Variants in LAMA1 observed in about 807,000 individuals in gnomAD.
LAMA1 encodes laminin subunit alpha-1.
A neutral mutation model predicts 348.7 loss-of-function variants in LAMA1; 219 were observed. That is an observed-to-expected ratio of 0.63 (90% CI 0.56 to 0.70). The LOEUF is 0.70. LAMA1 is among the 30% of genes least tolerant of loss of function. The pLI is 0.00. For synonymous variants in LAMA1, 1,487 were observed against 1,491.0 expected, an observed-to-expected ratio of 1.00 and a Z score of 0.06; for missense variants, 3,744 against 3,888.0, an observed-to-expected ratio of 0.96 and a Z score of 0.99.
intron 55 of LAMA1, among the ~76,000 whole-genome samples, chr18:6,958,117 T>G (rs1360133501): frequency 6.6e-6 from 1 of 152,140 alleles, no homozygotes; most frequent in East Asian, 1.9e-4. Context: ...AGTAGCCCCA[T>G]AGTAAACAGC....
At chr18:7,003,569 C>T (rs1456539164) in intron 29 of LAMA1, among the ~76,000 whole-genome samples, 3 of 152,264 alleles carry the variant, frequency 2.0e-5, no homozygotes, top group East Asian at 1.9e-4. Flanking sequence ...AAAAGGTACA[C>T]ATTTTTAAAG....
At chr18:6,954,954 G>C in intron 57 of LAMA1, 2 of 328,826 alleles carry the variant, frequency 6.1e-6, no homozygotes, top group South Asian at 2.6e-5. Flanking sequence ...GGGTGGGTGT[G>C]GCACTCGGGA....
chr18:7,007,213 G>C lies in LAMA1; in HGVS notation c.4186C>G (p.Leu1396Val), dbSNP rs1341490033. 2 of 1,614,050 alleles carry C rather than the reference G, an allele frequency of 1.2e-6. No individual in the cohort carries two copies. Among genetic ancestry groups the C allele is most frequent in the East Asian group, 4.5e-5 (2 of 44,880 alleles). ...PAGSDRGPRP[L>V]VAPCVPCSCN... ...CTGCAGGGAACACAAGGAGCAACCA[G>C]AGGGCGTGGTCCCCTGTCACTCCCT... The change falls in exon 29 of 63, where the codon CTG becomes GTG. Residue 1396 changes from leucine to valine, a missense_variant. This residue lies in a region of LAMA1 where 1,983 missense variants were observed against 1,934.3 expected (regional missense o/e 1.03). Coordinates refer to ENST00000389658, the MANE Select transcript of LAMA1 (RefSeq NM_005559.4).
intron 3 of LAMA1, among the ~76,000 whole-genome samples, chr18:7,075,206 A>G (rs1485486445): frequency 6.6e-6 from 1 of 152,112 alleles, no homozygotes; most frequent in Non-Finnish European, 1.5e-5. Context: ...TTAGAAATCT[A>G]TACTTTAGAT....
chr18:7,035,916 A>C (rs677136), intron 13 of LAMA1, 71 bp downstream of exon 13: 434,573 of 1,304,356 alleles, frequency 0.33, 76,619 homozygotes, highest in African/African-American at 0.61. Flanking sequence ...CTCACCTAGT[A>C]ACTTTCAGTC....
chr18:7,012,216 G>T, intron 23 of LAMA1, 78 bp from the exon 24 acceptor site: 1 of 1,440,614 alleles, frequency 6.9e-7, no homozygotes, highest in Non-Finnish European at 9.7e-7. Flanking sequence ...ACAAAATAGA[G>T]CACAAACATA....
chr18:7,023,208 GCA>G lies in LAMA1; in HGVS notation c.2655_2656del (p.Ala886Ter). On this transcript the variant is annotated frameshift_variant, in exon 19 of 63. Coordinates refer to ENST00000389658, the MANE Select transcript of LAMA1 (RefSeq NM_005559.4). LOFTEE classifies it high-confidence loss of function. ...CACAGCGTCCCCATAGAACCCGTCA[GCA>G]CACCTTTCACAGTGGGCGCCATCTG... 1 of 1,613,536 alleles carries G rather than the reference GCA, an allele frequency of 6.2e-7. No individual in the cohort carries two copies. The highest frequency in any genetic ancestry group is 8.5e-7 in the Non-Finnish European group (1 of 1,179,966).
chr18:7,044,912 A>G lies in LAMA1; in HGVS notation c.859-73T>C, dbSNP rs1255112954. 5.4e-6 allele frequency: 6 copies of G among 1,114,380 alleles called. No homozygotes were observed. In the East Asian group the frequency reaches 1.4e-4, roughly 26 times the overall value. 69.0% of individuals were successfully genotyped at this position (1,114,380 alleles called of 1,614,324 possible). A position where few individuals can be genotyped will look rare whatever the true frequency, so the allele number is the denominator to read the frequency against. On this transcript the variant is annotated intron_variant, in intron 6 of 62. Coordinates refer to ENST00000389658, the MANE Select transcript of LAMA1 (RefSeq NM_005559.4). ...TGTTTCTTAATTTCATGGTAAAAAG[A>G]ACCTATCTGTCAAATATGTGGCAAG...
At chr18:6,953,174 C>T (rs1156547180) in intron 57 of LAMA1, among the ~76,000 whole-genome samples, 43 of 128,648 alleles carry the variant, frequency 3.3e-4, no homozygotes, top group East Asian at 1.2e-3. Flanking sequence ...CTGTGTCCAG[C>T]GGATCCACGC....
chr18:7,084,059 T>G (rs1598311439), intron 1 of LAMA1, among the ~76,000 whole-genome samples: 2 of 106,168 alleles, frequency 1.9e-5, no homozygotes, highest in Admixed American at 1.5e-4. Flanking sequence ...GGCAACAGAG[T>G]GAGATTCTGT....
intron 22 of LAMA1, among the ~76,000 whole-genome samples, chr18:7,014,276 A>C (rs1011511420): frequency 1.3e-5 from 2 of 152,200 alleles, no homozygotes; most frequent in African/African-American, 4.8e-5. Context: ...CGGGGCCAGA[A>C]TTGTGAACTG....
chr18:7,046,918 T>A (rs2058043866), intron 5 of LAMA1, among the ~76,000 whole-genome samples: 1 of 152,270 alleles, frequency 6.6e-6, no homozygotes, highest in Non-Finnish European at 1.5e-5. Flanking sequence ...TGTTCATTGA[T>A]TTTGTATACT....
rs774337520 is a variant in LAMA1, at chr18:6,971,969, C to T, written c.6787G>A (p.Val2263Met). The part of the protein sequence containing the change: ...LGGQIKKSPA[V>M]KVTHFKGCLG... ...CAGCCTTTAAAATGAGTAACCTTCA[C>T]AGCAGGAGATTTCTAATGCAAACAA... is the stretch of plus-strand genomic sequence containing the variant. Residue 2263 changes from valine (V) to methionine (M), a missense_variant, in exon 48 of 63, where the codon GTG becomes ATG. By Grantham distance (21) the Val-to-Met change is conservative. This residue lies in a region of LAMA1 where 1,983 missense variants were observed against 1,934.3 expected (regional missense o/e 1.03). Transcript: ENST00000389658. 2 of 1,614,066 alleles carry T rather than the reference C, an allele frequency of 1.2e-6. No individual in the cohort carries two copies. The highest frequency in any genetic ancestry group is 8.5e-7 in the Non-Finnish European group (1 of 1,180,006).
At chr18:7,080,242 T>C (rs371015144) in intron 2 of LAMA1, 45 bp downstream of exon 2, 3 of 1,612,684 alleles carry the variant, frequency 1.9e-6, no homozygotes, top group South Asian at 1.1e-5. Flanking sequence ...TTTCACAAAG[T>C]GTACATTCCC....
chr18:7,023,935 T>C (rs113919329), intron 18 of LAMA1, among the ~76,000 whole-genome samples: 1,776 of 152,230 alleles, frequency 0.012, 31 homozygotes, highest in African/African-American at 0.039. Flanking sequence ...ACCTCCCAGG[T>C]TCAAGTGATT....
rs2057735268 is a variant in LAMA1 at position 6,986,302 on chromosome 18, CT to C, written c.5213del (p.Lys1738SerfsTer9). ...LLSQIQENYQ[K>X]PLEELEVLKE... Reference sequence around the variant, plus strand: ...TCAATACCTCCAATTCTTCCAGCGGCTTCTGGTAATTTTCCTGAATTTGTGA... The same window carrying C: ...TCAATACCTCCAATTCTTCCAGCGGCTCTGGTAATTTTCCTGAATTTGTGA... On this transcript the variant is annotated frameshift_variant, in exon 37 of 63. Coordinates refer to ENST00000389658, the MANE Select transcript of LAMA1 (RefSeq NM_005559.4). LOFTEE classifies it high-confidence loss of function. 5 of 1,614,062 alleles carry C rather than the reference CT, an allele frequency of 3.1e-6. No homozygotes were observed. The highest frequency in any genetic ancestry group is 1.3e-5 in the African/African-American group (1 of 74,912).
intron 24 of LAMA1, 104 bp downstream of exon 24, chr18:7,011,891 T>C: frequency 7.1e-7 from 1 of 1,413,904 alleles, no homozygotes; most frequent in Non-Finnish European, 9.6e-7. Context: ...TTGGATGCCA[T>C]AAGAGCAAAA....
At chr18:6,983,277 CA>C (rs1238645235) in intron 39 of LAMA1, 43 bp from the exon 40 acceptor site, 1 of 1,609,378 alleles carries the variant, frequency 6.2e-7, no homozygotes, top group Admixed American at 1.7e-5. Flanking sequence ...TAAACTAAAT[CA>C]AACTTGCCAA....
chr18:7,085,640 G>C (rs7230168), intron 1 of LAMA1, among the ~76,000 whole-genome samples: 43 of 151,920 alleles, frequency 2.8e-4, no homozygotes, highest in Middle Eastern at 3.4e-3. Flanking sequence ...GGATGGTCTC[G>C]ATCTCCTGAC....
Sources: gnomAD v4.1 joint callset for allele counts (sites outside exome capture counted in the v4.1 genomes callset) on GRCh38, gnomAD v4.1.1 for gene constraint, gnomAD v4.1.1 regional missense constraint, MANE v1.5 for transcripts, NCBI Gene and HGNC (gene_info 2026-07-23, HGNC 2026-07-21) for gene names.